The following HSF5 variants were observed in gnomAD, a reference collection of about 807,000 sequenced individuals.
HSF5 encodes heat shock transcription factor 5, also known as heat shock factor protein 5.
In HSF5, 5 loss-of-function variants were observed where a neutral mutation model predicts 50.8. The ratio of observed to expected loss-of-function variants is 0.10; its 90% confidence interval spans 0.05 to 0.21. HSF5 has a LOEUF of 0.21. Ranked by LOEUF, HSF5 falls within the 10% of genes least tolerant of loss-of-function variation. The pLI is 1.00. For synonymous variants in HSF5, 307 were observed against 307.4 expected, an observed-to-expected ratio of 1.00 and a Z score of 0.02; for missense variants, 564 against 762.6, an observed-to-expected ratio of 0.74 and a Z score of 3.07.
intron 5 of HSF5, among the ~76,000 whole-genome samples, chr17:58,441,526 C>A (rs1040076794): frequency 7.2e-5 from 11 of 151,786 alleles, no homozygotes; most frequent in African/African-American, 2.2e-4. Flanking sequence ...GAGTAGAAAT[C>A]AATGAAATAG....
intron 5 of HSF5, among the ~76,000 whole-genome samples, chr17:58,450,890 A>C (rs1315279962): frequency 6.6e-6 from 1 of 151,990 alleles, no homozygotes; most frequent in Non-Finnish European, 1.5e-5. Context: ...GGAGTTTGAG[A>C]CCAGCCTGGC....
intron 5 of HSF5, among the ~76,000 whole-genome samples, chr17:58,439,006 C>G (rs1974463488): frequency 6.6e-6 from 1 of 151,844 alleles, no homozygotes; most frequent in Non-Finnish European, 1.5e-5. Context: ...GTAGTCCCAG[C>G]TACTTCTTTG....
intron 1 of HSF5, among the ~76,000 whole-genome samples, chr17:58,483,266 A>G (rs1975125068): frequency 6.6e-6 from 1 of 152,250 alleles, no homozygotes; most frequent in Non-Finnish European, 1.5e-5. Flanking sequence ...TTCTATCATG[A>G]TAAACTTGGA....
At chr17:58,443,802 G>A (rs987708868) in intron 5 of HSF5, among the ~76,000 whole-genome samples, 5 of 152,074 alleles carry the variant, frequency 3.3e-5, no homozygotes, top group African/African-American at 7.2e-5. Context: ...CTGCTTATTC[G>A]AGTGACTGTG....
At chr17:58,486,902 C>G (rs1203654078) in intron 1 of HSF5, among the ~76,000 whole-genome samples, 1 of 79,902 alleles carries the variant, frequency 1.3e-5, no homozygotes, top group South Asian at 5.0e-4. Flanking sequence ...TAAGTTCTCT[C>G]TTTTTTTTTT....
intron 5 of HSF5, among the ~76,000 whole-genome samples, chr17:58,427,315 T>C (rs1974308938): frequency 6.6e-6 from 1 of 152,190 alleles, no homozygotes. Flanking sequence ...TGTGAGAAGA[T>C]GTCCCTTCTT....
intron 2 of HSF5, among the ~76,000 whole-genome samples, chr17:58,474,808 C>T (rs1031044050): frequency 6.6e-6 from 1 of 152,114 alleles, no homozygotes; most frequent in African/African-American, 2.4e-5. Flanking sequence ...CCTCAAACTC[C>T]TAGGCTCAAG....
chr17:58,479,861 A>C (rs944321174), intron 2 of HSF5, 32 bp downstream of exon 2: 5 of 1,567,910 alleles, frequency 3.2e-6, no homozygotes, highest in Non-Finnish European at 3.5e-6. Context: ...AACAACCTTA[A>C]ATAGAAGGCC....
chr17:58,428,473 C>T (rs1458199187), intron 5 of HSF5, among the ~76,000 whole-genome samples: 1 of 152,068 alleles, frequency 6.6e-6, no homozygotes, highest in African/African-American at 2.4e-5. Flanking sequence ...TCCTGGCTAA[C>T]ACAGTGAAAC....
chr17:58,487,753 C>A lies in HSF5; in HGVS notation c.522G>T (p.Pro174=). ...GCGGCTCGGGCCGGGGCCCCGCGGG[C>A]GGCGGCGGCTGCTGGTGCTGCAGTG... ...TAPLQHQQPP[P]PAGPRPEPHG... The change falls in exon 1 of 6, where the codon CCG becomes CCT. Residue 174 remains proline, a synonymous_variant. Coordinates refer to ENST00000323777, the MANE Select transcript of HSF5 (RefSeq NM_001080439.3). 1 of 1,383,510 alleles carries A rather than the reference C, an allele frequency of 7.2e-7. No homozygotes were observed. The highest frequency in any genetic ancestry group is 3.0e-5 in the East Asian group (1 of 33,774). 85.7% of individuals were successfully genotyped at this position (1,383,510 alleles called of 1,614,324 possible).
chr17:58,475,604 A>AC (rs548108521), intron 2 of HSF5, among the ~76,000 whole-genome samples: 4 of 152,078 alleles, frequency 2.6e-5, no homozygotes, highest in South Asian at 2.1e-4. Context: ...TGCCCACTTA[A>AC]CCCCCCCAAA....
chr17:58,467,184 G>C (rs916211746), intron 2 of HSF5, among the ~76,000 whole-genome samples: 2 of 152,112 alleles, frequency 1.3e-5, no homozygotes, highest in Non-Finnish European at 2.9e-5. Flanking sequence ...GTCTTTAAAA[G>C]GGTCATGTCT....
intron 1 of HSF5, among the ~76,000 whole-genome samples, chr17:58,483,910 G>A (rs1975132600): frequency 6.6e-6 from 1 of 152,032 alleles, no homozygotes; most frequent in South Asian, 2.1e-4. Context: ...AGAAAAAATG[G>A]AGACTAAGCA....
At chr17:58,465,182 CT>C (rs529950180) in intron 3 of HSF5, among the ~76,000 whole-genome samples, 238 of 69,316 alleles carry the variant, frequency 3.4e-3, no homozygotes, top group Middle Eastern at 7.7e-3. Flanking sequence ...TATTTCTTTT[CT>C]TTTTTTTTTT....
At chr17:58,478,487 A>G (rs1228598203) in intron 2 of HSF5, among the ~76,000 whole-genome samples, 3 of 134,944 alleles carry the variant, frequency 2.2e-5, no homozygotes, top group African/African-American at 6.8e-5. Flanking sequence ...AAAAAAAAAA[A>G]AAAGAAAAGA....
In HSF5 at chr17:58,479,915, G is replaced by A. The variant is rs1975074299; in HGVS notation, c.903C>T (p.Tyr301=). 1 of 1,613,414 alleles carries A rather than the reference G, an allele frequency of 6.2e-7. No homozygotes were observed. The highest frequency in any genetic ancestry group is 1.1e-5 in the South Asian group (1 of 91,056). The change falls in exon 2 of 6, where the codon TAC becomes TAT. Residue 301 remains tyrosine (Y), a synonymous_variant. Coordinates refer to ENST00000323777, the MANE Select transcript of HSF5 (RefSeq NM_001080439.3). The part of the protein sequence containing the change: ...KYSNYTPSAQ[Y]SQAYYPTAVL... ...TACCTGTTGGATAGTAGGCTTGCGAGTACTGTGCTGAGGGTGTGTAGTTAC... is the reference window on the plus strand; with the variant it reads ...TACCTGTTGGATAGTAGGCTTGCGAATACTGTGCTGAGGGTGTGTAGTTAC...
chr17:58,460,881 C>T (rs1974785890), intron 4 of HSF5, among the ~76,000 whole-genome samples: 1 of 151,374 alleles, frequency 6.6e-6, no homozygotes, highest in Admixed American at 6.6e-5. Context: ...TCAGATGTGA[C>T]TATGAAGGAA....
chr17:58,442,699 G>A (rs1974514465), intron 5 of HSF5, among the ~76,000 whole-genome samples: 1 of 152,114 alleles, frequency 6.6e-6, no homozygotes, highest in Non-Finnish European at 1.5e-5. Flanking sequence ...TCTCATAAGT[G>A]GAAGAGATGG....
chr17:58,429,611 C>T (rs1424424141), intron 5 of HSF5, among the ~76,000 whole-genome samples: 1 of 152,030 alleles, frequency 6.6e-6, no homozygotes, highest in African/African-American at 2.4e-5. Flanking sequence ...TTTGGGGAGG[C>T]CGAAGTGGAT....
Sources: gnomAD v4.1 joint callset for allele counts (sites outside exome capture counted in the v4.1 genomes callset) on GRCh38, gnomAD v4.1.1 for gene constraint, MANE v1.5 for transcripts, NCBI Gene and HGNC (gene_info 2026-07-23, HGNC 2026-07-21) for gene names.